The following SLC1A2 variants were observed in gnomAD, a reference collection of about 807,000 sequenced individuals.
SLC1A2 encodes the protein excitatory amino acid transporter 2.
In SLC1A2, 15 loss-of-function variants were observed where a neutral mutation model predicts 48.8. The observed-to-expected ratio is 0.31, with a 90% CI of 0.21 to 0.47. The LOEUF (loss-of-function observed/expected upper bound fraction) is 0.47. Ranked by LOEUF, SLC1A2 falls within the 20% of genes least tolerant of loss-of-function variation. SLC1A2 has a pLI of 0.99. For missense variants in SLC1A2, 502 were observed against 730.5 expected, an observed-to-expected ratio of 0.69 and a Z score of 3.61; for synonymous variants, 279 against 272.6, an observed-to-expected ratio of 1.02 and a Z score of -0.23.
At chr11:35,413,177 T>C (rs1249900120) in intron 1 of SLC1A2, among the ~76,000 whole-genome samples, 1 of 152,218 alleles carries the variant, frequency 6.6e-6, no homozygotes, top group East Asian at 1.9e-4. Context: ...CAGAACAGAC[T>C]GTGCCCAACC....
intron 4 of SLC1A2, 143 bp downstream of exon 4, chr11:35,312,055 C>T (rs891794433): frequency 3.6e-6 from 3 of 823,764 alleles, no homozygotes; most frequent in South Asian, 1.8e-5. Context: ...CCTAAACCAC[C>T]TCATAGAATC....
At chr11:35,329,816 C>T (rs140378314) in intron 1 of SLC1A2, among the ~76,000 whole-genome samples, 3 of 152,318 alleles carry the variant, frequency 2.0e-5, no homozygotes, top group Non-Finnish European at 1.5e-5. Context: ...ATATCTGTTT[C>T]CCTGCAGCTT....
chr11:35,253,698 T>C lies in SLC1A2; in HGVS notation c.*7196A>G, dbSNP rs2134556295. 1 of 152,748 alleles carries C rather than the reference T, an allele frequency of 6.5e-6. No homozygotes were observed. The highest frequency in any genetic ancestry group is 1.5e-5 in the Non-Finnish European group (1 of 68,018). 9.5% of individuals were successfully genotyped at this position (152,748 alleles called of 1,614,324 possible). ...ACTAAAGACTGGGTTCTTAAATTTG[T>C]CAAATGTGACTATATAGTCAAGAAA... On this transcript the variant is annotated 3_prime_UTR_variant, in exon 11 of 11. Transcript: ENST00000278379.
intron 10 of SLC1A2, 113 bp from the exon 11 acceptor site, chr11:35,261,078 A>C (rs1950387683): frequency 2.6e-6 from 2 of 766,950 alleles, no homozygotes; most frequent in Non-Finnish European, 4.6e-6. Context: ...CTGAAATATT[A>C]GTTTTAAATG....
intron 1 of SLC1A2, among the ~76,000 whole-genome samples, chr11:35,323,767 T>C (rs888873824): frequency 6.6e-6 from 1 of 152,242 alleles, no homozygotes; most frequent in Non-Finnish European, 1.5e-5. Context: ...CATTTCTTGA[T>C]GTTTTTGTGT....
intron 9 of SLC1A2, among the ~76,000 whole-genome samples, chr11:35,267,067 G>A (rs1419018047): frequency 6.6e-6 from 1 of 152,214 alleles, no homozygotes. Flanking sequence ...GAATGCTCTT[G>A]CGCCTCTTCT....
chr11:35,380,780 C>T (rs1854396557), intron 1 of SLC1A2, among the ~76,000 whole-genome samples: 2 of 152,216 alleles, frequency 1.3e-5, no homozygotes, highest in South Asian at 4.1e-4. Context: ...CAGTGCTTCG[C>T]TGTTTGTTTT....
chr11:35,322,173 T>G (rs1413733223), intron 1 of SLC1A2, among the ~76,000 whole-genome samples: 1 of 152,138 alleles, frequency 6.6e-6, no homozygotes, highest in East Asian at 1.9e-4. Context: ...CTGTTAATAT[T>G]GCAATCTCTG....
chr11:35,316,451 G>A (rs534893544), intron 2 of SLC1A2: 74 of 152,312 alleles, frequency 4.9e-4, no homozygotes, highest in African/African-American at 1.5e-3. Context: ...GTTACATGGC[G>A]GGTAACCTTT....
At position 35,418,957 on chromosome 11, in the gene SLC1A2, T is replaced by A. The variant is rs1216804238; in HGVS notation, c.10A>T (p.Thr4Ser). The change falls in exon 1 of 11, where the codon ACG becomes TCG. Residue 4 changes from threonine (T) to serine (S), a missense_variant. Coordinates refer to ENST00000278379, the MANE Select transcript of SLC1A2 (RefSeq NM_004171.4). ...AGATAAAAATCCCCTCACCCTTCCG[T>A]AGATGCCATGGTCTGGGGAACGCCC... is the stretch of plus-strand genomic sequence containing the variant. MASTEGANNMPKQV... is the reference protein window; with the variant it reads MASSEGANNMPKQV... The A allele has an allele frequency of 6.4e-7, 1 of 1,567,308 alleles. No individual in the cohort carries two copies. The highest frequency in any genetic ancestry group is 1.8e-5 in the Admixed American group (1 of 54,174).
Position 35,260,694 on chromosome 11 carries a change from A to C in SLC1A2, c.*200T>G. ...ATACAAGTGAGAAAATTAGACGGTT[A>C]TAAAGCATTATTTGGCAAAGACACA... On this transcript the variant is annotated 3_prime_UTR_variant, in exon 11 of 11. Coordinates refer to ENST00000278379, the MANE Select transcript of SLC1A2 (RefSeq NM_004171.4). The C allele has an allele frequency of 1.8e-6, 1 of 561,660 alleles. No individual in the cohort carries two copies. The highest frequency in any genetic ancestry group is 3.2e-6 in the Non-Finnish European group (1 of 315,754). 34.8% of individuals were successfully genotyped at this position (561,660 alleles called of 1,614,324 possible).
intron 1 of SLC1A2, among the ~76,000 whole-genome samples, chr11:35,345,355 T>A (rs909731887): frequency 6.6e-6 from 1 of 152,248 alleles, no homozygotes; most frequent in African/African-American, 2.4e-5. Flanking sequence ...CCTTCCAGCT[T>A]TCAGAACCTT....
rs1380487442 is a variant in SLC1A2, at chr11:35,254,958, ATC to A, written c.*5934_*5935del. The A allele has an allele frequency of 6.1e-6, 2 of 325,378 alleles. No individual in the cohort carries two copies. The highest frequency in any genetic ancestry group is 4.4e-5 in the African/African-American group (2 of 45,582). 20.2% of individuals were successfully genotyped at this position (325,378 alleles called of 1,614,324 possible). On this transcript the variant is annotated 3_prime_UTR_variant, in exon 11 of 11. Transcript: ENST00000278379. ...ATAAATGAAATAGGAACTTAGGGGC[ATC>A]TCTCACTTTTCTACAGGTTCTTATC...
At chr11:35,348,267 G>T (rs764470209) in intron 1 of SLC1A2, among the ~76,000 whole-genome samples, 2 of 152,120 alleles carry the variant, frequency 1.3e-5, no homozygotes, top group Non-Finnish European at 2.9e-5. Flanking sequence ...AGAGCCAGAG[G>T]CATGCTTGGC....
chr11:35,385,054 T>C (rs1447611956), intron 1 of SLC1A2, among the ~76,000 whole-genome samples: 2 of 152,220 alleles, frequency 1.3e-5, no homozygotes, highest in African/African-American at 2.4e-5. Context: ...ATGCATATGC[T>C]GACAACATCA....
At chr11:35,360,058 G>A (rs1376722392) in intron 1 of SLC1A2, 18 of 984,432 alleles carry the variant, frequency 1.8e-5, no homozygotes, top group Non-Finnish European at 2.2e-5. Flanking sequence ...CATTCTCTCG[G>A]CTCCAGGAAC....
chr11:35,263,360 C>T (rs552767156), intron 10 of SLC1A2, among the ~76,000 whole-genome samples: 3 of 152,148 alleles, frequency 2.0e-5, no homozygotes, highest in South Asian at 2.1e-4. Context: ...CCCAGCTACT[C>T]GAGAGGCTGA....
intron 10 of SLC1A2, chr11:35,264,737 T>C (rs2134605527): frequency 6.6e-6 from 1 of 152,288 alleles, no homozygotes; most frequent in East Asian, 1.9e-4. Context: ...GTTTACCCAC[T>C]TTTGGAGCAA....
intron 1 of SLC1A2, among the ~76,000 whole-genome samples, chr11:35,331,550 TAAGAG>T (rs1226840860): frequency 2.0e-5 from 3 of 152,208 alleles, no homozygotes; most frequent in African/African-American, 7.2e-5. Context: ...AATTTCTTCT[TAAGAG>T]AAGAATGTAT....
Sources: gnomAD v4.1 joint callset for allele counts (sites outside exome capture counted in the v4.1 genomes callset) on GRCh38, gnomAD v4.1.1 for gene constraint, MANE v1.5 for transcripts, NCBI Gene and HGNC (gene_info 2026-07-23, HGNC 2026-07-21) for gene names.